Variants in DENND1A observed in about 807,000 individuals in gnomAD.
The protein encoded by DENND1A is DENN domain-containing protein 1A.
DENND1A carries 51 observed loss-of-function variants against 113.7 expected under a neutral mutation model. That is an observed-to-expected ratio of 0.45 (90% CI 0.36 to 0.57). The LOEUF is 0.57. DENND1A is among the 20% of genes least tolerant of loss of function. The pLI, the probability that DENND1A is intolerant of heterozygous loss-of-function variation, is 0.00. For missense variants in DENND1A, 1,258 were observed against 1,395.9 expected (o/e 0.90, Z 1.57); for synonymous variants, 565 against 570.8 (o/e 0.99, Z 0.14).
At chr9:123,583,632 T>C (rs1219408421) in intron 11 of DENND1A, among the ~76,000 whole-genome samples, 1 of 152,224 alleles carries the variant, frequency 6.6e-6, no homozygotes. Context: ...AATGCTGATA[T>C]ACGGCTGTGT....
rs549186166 is a variant in DENND1A, at chr9:123,619,234, A to G, written c.720-9753T>C. ...AGCGCTGGGATTACAGGCATGAGCC[A>G]CCGCACCCAGCCTAAAAAAGTTTTT... is the stretch of plus-strand genomic sequence containing the variant. On this transcript the variant is annotated intron_variant, in intron 10 of 23. Transcript: ENST00000394215. Among the ~76,000 whole-genome samples the G allele has an allele frequency of 5.3e-5, 8 of 152,362 alleles. No homozygotes were observed. The South Asian group carries it at 1.7e-3, about 32-fold the overall frequency.
intron 5 of DENND1A, among the ~76,000 whole-genome samples, chr9:123,723,014 A>G (rs1452010213): frequency 6.6e-6 from 1 of 152,238 alleles, no homozygotes. Context: ...CAGCCCATGA[A>G]AGCAGCCAGG....
At chr9:123,387,303 T>C (rs1299589300) in intron 22 of DENND1A, among the ~76,000 whole-genome samples, 1 of 152,208 alleles carries the variant, frequency 6.6e-6, no homozygotes, top group Non-Finnish European at 1.5e-5. Flanking sequence ...TAGGCTGGCA[T>C]TTAATATACA....
chr9:123,798,573 T>C (rs1475121228), intron 2 of DENND1A: 1 of 152,106 alleles, frequency 6.6e-6, no homozygotes, highest in African/African-American at 2.4e-5. Flanking sequence ...TACTTACTGA[T>C]AGTTTGAAAT....
At chr9:123,429,505 A>G (rs2045979428) in intron 19 of DENND1A, among the ~76,000 whole-genome samples, 1 of 152,178 alleles carries the variant, frequency 6.6e-6, no homozygotes, top group South Asian at 2.1e-4. Context: ...CAGTGAGCCG[A>G]GATTGCATCA....
intron 10 of DENND1A, among the ~76,000 whole-genome samples, chr9:123,616,813 A>C (rs2060673047): frequency 6.6e-6 from 1 of 152,266 alleles, no homozygotes; most frequent in Non-Finnish European, 1.5e-5. Flanking sequence ...GTCAGTCAAC[A>C]GGTATCACTA....
At chr9:123,732,301 A>G (rs1211359051) in intron 5 of DENND1A, among the ~76,000 whole-genome samples, 2 of 152,258 alleles carry the variant, frequency 1.3e-5, no homozygotes, top group Non-Finnish European at 2.9e-5. Context: ...AATGTCCTTC[A>G]ATAGCGAATA....
intron 20 of DENND1A, chr9:123,411,244 C>A (rs2044284996): frequency 1.3e-5 from 2 of 152,240 alleles, no homozygotes; most frequent in African/African-American, 4.8e-5. Flanking sequence ...CAGGCATGCA[C>A]CACCACGCCC....
intron 18 of DENND1A, among the ~76,000 whole-genome samples, chr9:123,448,440 G>A (rs1038662177): frequency 2.0e-5 from 3 of 152,216 alleles, no homozygotes; most frequent in Admixed American, 1.3e-4. Flanking sequence ...AGGGCGCATG[G>A]GGCCTTTGCC....
chr9:123,534,716 T>C (rs1171134940), intron 13 of DENND1A, among the ~76,000 whole-genome samples: 1 of 152,244 alleles, frequency 6.6e-6, no homozygotes, highest in Non-Finnish European at 1.5e-5. Flanking sequence ...GTTTCCTTGA[T>C]TATCAGTTGA....
intron 9 of DENND1A, among the ~76,000 whole-genome samples, chr9:123,634,669 T>C (rs753650944): frequency 5.3e-5 from 8 of 152,226 alleles, no homozygotes; most frequent in Admixed American, 1.3e-4. Context: ...AATGATTCTA[T>C]CAAAATCTCA....
intron 2 of DENND1A, among the ~76,000 whole-genome samples, chr9:123,851,938 TA>T (rs1843432611): frequency 6.6e-6 from 1 of 152,104 alleles, no homozygotes; most frequent in South Asian, 2.1e-4. Context: ...GCCCAGAAGG[TA>T]GAACTAAGAG....
intron 20 of DENND1A, among the ~76,000 whole-genome samples, chr9:123,411,027 C>T (rs2044268207): frequency 6.6e-6 from 1 of 152,118 alleles, no homozygotes; most frequent in South Asian, 2.1e-4. Context: ...CTCGCCCTCC[C>T]ACCCCATTCC....
chr9:123,412,911 C>T (rs571472372), intron 19 of DENND1A, among the ~76,000 whole-genome samples: 24 of 152,340 alleles, frequency 1.6e-4, no homozygotes, highest in South Asian at 4.1e-4. Context: ...GTCTGGTCCA[C>T]GTTAAGATGT....
rs574593498 is a variant in DENND1A at position 123,904,929 on chromosome 9, T to A, written c.17+24960A>T. On this transcript the variant is annotated intron_variant, in intron 1 of 23. Transcript: ENST00000394215. ...GTCAGATTCACCAAAGTTGAAATGA[T>A]GGAAAAAATGTTAAGGGCAGCCAGA... Among the ~76,000 whole-genome samples, 26 of 152,036 alleles carry A rather than the reference T, an allele frequency of 1.7e-4. 1 individual carries two copies. In the South Asian group the frequency reaches 3.3e-3, roughly 19 times the overall value.
chr9:123,879,632 G>A (rs997641432), intron 1 of DENND1A, among the ~76,000 whole-genome samples: 2 of 152,124 alleles, frequency 1.3e-5, no homozygotes, highest in Non-Finnish European at 2.9e-5. Context: ...TGGTTTTACA[G>A]ATGTCACATT....
intron 19 of DENND1A, among the ~76,000 whole-genome samples, chr9:123,414,867 A>G (rs2044597986): frequency 6.6e-6 from 1 of 152,064 alleles, no homozygotes; most frequent in African/African-American, 2.4e-5. Flanking sequence ...CAGCTCACTC[A>G]CTTCTCTGTT....
chr9:123,592,631 C>A (rs909828752), intron 11 of DENND1A, among the ~76,000 whole-genome samples: 1 of 152,154 alleles, frequency 6.6e-6, no homozygotes, highest in Admixed American at 6.5e-5. Flanking sequence ...AAAAACTCAG[C>A]TAGCTGTACA....
At chr9:123,788,650 T>C (rs938514546) in intron 3 of DENND1A, among the ~76,000 whole-genome samples, 9 of 152,112 alleles carry the variant, frequency 5.9e-5, no homozygotes, top group Non-Finnish European at 8.8e-5. Flanking sequence ...CATGATATAT[T>C]TGAGAAACCA....
Sources: gnomAD v4.1 joint callset for allele counts (sites outside exome capture counted in the v4.1 genomes callset) on GRCh38, gnomAD v4.1.1 for gene constraint, MANE v1.5 for transcripts, NCBI Gene and HGNC (gene_info 2026-07-23, HGNC 2026-07-21) for gene names.